Variants in AGO1 observed in about 807,000 individuals in gnomAD.
AGO1 encodes argonaute RISC component 1, also known as protein argonaute-1.
Under a neutral mutation model 109.2 loss-of-function variants are expected in AGO1, and 11 were observed. The ratio of observed to expected loss-of-function variants is 0.10; its 90% CI spans 0.06 to 0.17. The LOEUF is 0.17. Among genes scored for constraint, AGO1 ranks in the 10% least tolerant of loss-of-function variants. The pLI, the probability that AGO1 is intolerant of heterozygous loss-of-function variation, is 1.00. For missense variants in AGO1, 574 were observed against 1,140.3 expected, an observed-to-expected ratio of 0.50 and a Z score of 7.15; for synonymous variants, 422 against 418.6, an observed-to-expected ratio of 1.01 and a Z score of -0.10.
In AGO1 at chr1:35,883,399, T is replaced by A. The variant is rs570480872; in HGVS notation, c.-23T>A. On this transcript the variant is annotated 5_prime_UTR_variant, in exon 1 of 19. Coordinates refer to ENST00000373204, the MANE Select transcript of AGO1 (RefSeq NM_012199.5). The surrounding 1 kb of genome is among the most constrained non-coding windows in gnomAD (Gnocchi z 5.4). ...TGGACTTCACAGTCTCCGGGCCGCCTGACCTCCGCACGGGTATATGGGATG... is the reference window on the plus strand; with the variant it reads ...TGGACTTCACAGTCTCCGGGCCGCCAGACCTCCGCACGGGTATATGGGATG... 6.3e-7 allele frequency: 1 copy of A among 1,580,674 alleles called. No homozygotes were observed. Among genetic ancestry groups the A allele is most frequent in the African/African-American group, 1.4e-5 (1 of 71,620 alleles).
In AGO1 at chr1:35,888,279, C is replaced by A; in HGVS notation, c.26-148C>A. The A allele has an allele frequency of 4.4e-6, 3 of 678,018 alleles. No homozygotes were observed. The highest frequency in any genetic ancestry group is 2.5e-6 in the Non-Finnish European group (1 of 408,122). 42.0% of individuals were successfully genotyped at this position (678,018 alleles called of 1,614,324 possible). A position where few individuals can be genotyped will look rare whatever the true frequency, so the allele number is the denominator to read the frequency against. ...AAAACACAGATGAGCTTGAGATGTC[C>A]CCTGGAAGCCCTTGGCTGGGTTGGG... On this transcript the variant is annotated intron_variant, in intron 1 of 18. Transcript: ENST00000373204. This position sits in a 1 kb window ranked among gnomAD's most constrained non-coding sequence, Gnocchi z 4.1.
intron 1 of AGO1, chr1:35,873,293 G>A (rs1644968103): frequency 6.5e-6 from 1 of 153,350 alleles, no homozygotes; most frequent in African/African-American, 2.4e-5. Flanking sequence ...TGGACATTAG[G>A]GGGCTTAGGT....
chr1:35,894,480 C>T (rs1571349725), intron 7 of AGO1, 78 bp downstream of exon 7: 1 of 1,398,206 alleles, frequency 7.2e-7, no homozygotes, highest in South Asian at 1.3e-5. Context: ...CCCTCCCTCC[C>T]TCCCCCACTG....
upstream of AGO1, chr1:35,883,198 C>T (rs1219823456): frequency 8.5e-7 from 1 of 1,176,038 alleles, no homozygotes; most frequent in African/African-American, 1.6e-5. This position sits in a 1 kb window ranked among gnomAD's most constrained non-coding sequence, Gnocchi z 5.4. Context: ...GCCCGGCGGT[C>T]GCGCCTGCGC....
At chr1:35,887,922 A>C (rs898316937) in intron 1 of AGO1, among the ~76,000 whole-genome samples, 3 of 151,814 alleles carry the variant, frequency 2.0e-5, no homozygotes, top group African/African-American at 2.4e-5. Flanking sequence ...TCAAACACTG[A>C]CCCTGCCCTC....
At chr1:35,889,660 T>C (rs1261353893) in intron 2 of AGO1, among the ~76,000 whole-genome samples, 1 of 152,034 alleles carries the variant, frequency 6.6e-6, no homozygotes, top group Non-Finnish European at 1.5e-5. Flanking sequence ...GTTACCTTTT[T>C]TTCTTTTTGA....
rs1472957246 is a variant in AGO1 at position 35,893,088 on chromosome 1, C to T, written c.331-9C>T. On this transcript the variant is annotated splice_polypyrimidine_tract_variant and intron_variant, in intron 3 of 18. Transcript: ENST00000373204. The surrounding 1 kb of genome is among the most constrained non-coding windows in gnomAD (Gnocchi z 5.6). Reference sequence around the variant, plus strand: ...CAATCCTTCATCCCTTTCTTTCACCCTCCTGAAGGTCGACTTTGAGGTGAC... The same window carrying T: ...CAATCCTTCATCCCTTTCTTTCACCTTCCTGAAGGTCGACTTTGAGGTGAC... 1 of 1,612,804 alleles carries T rather than the reference C, an allele frequency of 6.2e-7. No individual in the cohort carries two copies. The highest frequency in any genetic ancestry group is 1.3e-5 in the African/African-American group (1 of 74,898).
Position 35,907,100 on chromosome 1 carries a change from A to G in AGO1, c.1563A>G (p.Pro521=), listed in dbSNP as rs1645536136. 9.3e-6 allele frequency: 15 copies of G among 1,613,604 alleles called. No individual in the cohort carries two copies. The highest frequency in any genetic ancestry group is 1.3e-5 in the Non-Finnish European group (15 of 1,179,700). Residue 521 remains proline, a synonymous_variant, in exon 12 of 19, where the codon CCA becomes CCG. Coordinates refer to ENST00000373204, the MANE Select transcript of AGO1 (RefSeq NM_012199.5). Reference sequence around the variant, plus strand: ...TGCAGCTCATTATTGTCATCCTGCCAGGGAAGACGCCGGTGTATGGTACAG... The same window carrying G: ...TGCAGCTCATTATTGTCATCCTGCCGGGGAAGACGCCGGTGTATGGTACAG... The part of the protein sequence containing the change: ...SGLQLIIVIL[P]GKTPVYAEVK...
chr1:35,894,030 C>T lies in AGO1; in HGVS notation c.650-7C>T. 6.5e-7 allele frequency: 1 copy of T among 1,540,574 alleles called. No individual in the cohort carries two copies. The highest frequency in any genetic ancestry group is 1.3e-5 in the South Asian group (1 of 78,290). Reference sequence around the variant, plus strand: ...TGAGCTGAGCTATCTTTACCCTGTCCCCACAGTCTCAGCCACTGCCTTTTA... The same window carrying T: ...TGAGCTGAGCTATCTTTACCCTGTCTCCACAGTCTCAGCCACTGCCTTTTA... On this transcript the variant is annotated splice_polypyrimidine_tract_variant and splice_region_variant and intron_variant, in intron 5 of 18. Coordinates refer to ENST00000373204, the MANE Select transcript of AGO1 (RefSeq NM_012199.5).
rs997980288 is a variant in AGO1, at chr1:35,926,719, T to G, written c.*7112T>G. 6.6e-6 allele frequency: 1 copy of G among 152,190 alleles called. No homozygotes were observed. The highest frequency in any genetic ancestry group is 2.4e-5 in the African/African-American group (1 of 41,448). 9.4% of individuals were successfully genotyped at this position (152,190 alleles called of 1,614,324 possible). A position where few individuals can be genotyped will look rare whatever the true frequency, so the allele number is the denominator to read the frequency against. ...TAGAAGGCACACAGCATGACAGAAG[T>G]ACTCCTTCAAAGCAGCTGTGTCAAG... On this transcript the variant is annotated 3_prime_UTR_variant, in exon 19 of 19. Coordinates refer to ENST00000373204, the MANE Select transcript of AGO1 (RefSeq NM_012199.5).
chr1:35,881,322 G>T (rs969296644), upstream of AGO1, among the ~76,000 whole-genome samples: 2 of 151,598 alleles, frequency 1.3e-5, no homozygotes, highest in Non-Finnish European at 2.9e-5. Context: ...TTGTTTTTTG[G>T]TTTTTGTTTT....
In AGO1 at chr1:35,922,597, G is replaced by T. The variant is rs968992815; in HGVS notation, c.*2990G>T. 1 of 153,058 alleles carries T rather than the reference G, an allele frequency of 6.5e-6. No homozygotes were observed. The highest frequency in any genetic ancestry group is 1.4e-5 in the Non-Finnish European group (1 of 69,052). The allele number at this position is 153,058 out of a possible 1,614,324, so 9.5% of individuals were successfully genotyped here. A position where few individuals can be genotyped will look rare whatever the true frequency, so the allele number is the denominator to read the frequency against. The stretch of plus-strand genomic sequence containing the variant: ...TATTCACTCTGCTTGCTTGCTGGCC[G>T]GCCTGCCTGCCTGCCTGCCTGCCTG... On this transcript the variant is annotated 3_prime_UTR_variant, in exon 19 of 19. Transcript: ENST00000373204.
rs766054269 is a variant in AGO1 at position 35,888,250 on chromosome 1, A to G, written c.26-177A>G. Among the ~76,000 whole-genome samples the G allele has an allele frequency of 6.6e-6, 1 of 152,244 alleles. No individual in the cohort carries two copies. The highest frequency in any genetic ancestry group is 1.5e-5 in the Non-Finnish European group (1 of 68,038). On this transcript the variant is annotated intron_variant, in intron 1 of 18. Transcript: ENST00000373204. This position sits in a 1 kb window ranked among gnomAD's most constrained non-coding sequence, Gnocchi z 4.1. ...GGAGAGAGATTAAAAAAGAAAAAAG[A>G]GAAAAAACACAGATGAGCTTGAGAT...
intron 8 of AGO1, among the ~76,000 whole-genome samples, chr1:35,900,943 A>C (rs1259095409): frequency 6.6e-6 from 1 of 151,252 alleles, no homozygotes; most frequent in African/African-American, 2.4e-5. Flanking sequence ...ATGAGACCTG[A>C]GCCCAGATCT....
Position 35,919,932 on chromosome 1 carries a change from A to G in AGO1, c.*325A>G, listed in dbSNP as rs563307920. 1 of 259,858 alleles carries G rather than the reference A, an allele frequency of 3.8e-6. No homozygotes were observed. Among genetic ancestry groups the G allele is most frequent in the African/African-American group, 2.2e-5 (1 of 45,512 alleles). 16.1% of individuals were successfully genotyped at this position (259,858 alleles called of 1,614,324 possible). ...TCTCATGTGACTCACAGTGCTAAAG[A>G]CTCATGCTTGACAGCTTGGTAAGGT... is the stretch of plus-strand genomic sequence containing the variant. On this transcript the variant is annotated 3_prime_UTR_variant, in exon 19 of 19. Transcript: ENST00000373204. This position sits in a 1 kb window ranked among gnomAD's most constrained non-coding sequence, Gnocchi z 6.6.
Position 35,901,723 on chromosome 1 carries a change from T to G in AGO1, c.1140+130T>G. ...TTGCCTAGGACTGTATAAGGCTGCT[T>G]TTGCTTCTTGACCGTATAGCTACTT... On this transcript the variant is annotated intron_variant, in intron 9 of 18. Transcript: ENST00000373204. This position sits in a 1 kb window ranked among gnomAD's most constrained non-coding sequence, Gnocchi z 4.8. 1 of 1,456,560 alleles carries G rather than the reference T, an allele frequency of 6.9e-7. No homozygotes were observed. The highest frequency in any genetic ancestry group is 1.3e-5 in the South Asian group (1 of 76,624). 90.2% of individuals were successfully genotyped at this position (1,456,560 alleles called of 1,614,324 possible).
chr1:35,878,159 T>C (rs944751158), intron 1 of AGO1, among the ~76,000 whole-genome samples: 1 of 151,860 alleles, frequency 6.6e-6, no homozygotes. Flanking sequence ...TCTCGGCTTA[T>C]TGCAATCTCT....
At chr1:35,883,062 C>T (rs1571336867), upstream of AGO1, 1 of 1,022,926 alleles carries the variant, frequency 9.8e-7, no homozygotes, top group Non-Finnish European at 1.2e-6. The surrounding 1 kb of genome is among the most constrained non-coding windows in gnomAD (Gnocchi z 5.4). Context: ...GCCCTCCCGC[C>T]GGGCTGCATG....
intron 8 of AGO1, among the ~76,000 whole-genome samples, chr1:35,897,452 A>C (rs1419708088): frequency 6.6e-6 from 1 of 152,230 alleles, no homozygotes; most frequent in African/African-American, 2.4e-5. Context: ...GGGGAAAAGC[A>C]GTAGGATATG....
Sources: allele counts gnomAD v4.1 joint callset (sites outside exome capture counted in the v4.1 genomes callset), GRCh38; gene constraint gnomAD v4.1.1; non-coding constraint Gnocchi (gnomAD v3.1); transcripts MANE v1.5; gene names NCBI Gene and HGNC (gene_info 2026-07-23, HGNC 2026-07-21).